Variants in RINT1 observed in about 807,000 individuals in gnomAD.
RINT1 encodes RAD50 interactor 1.
Under a neutral mutation model 97.7 loss-of-function variants are expected in RINT1, and 75 were observed. The ratio of observed to expected loss-of-function variants is 0.77; its 90% CI spans 0.64 to 0.93. The LOEUF is 0.93. RINT1 is among the 40% of genes least tolerant of loss of function. The pLI is 0.00. For missense variants in RINT1, 892 were observed against 925.2 expected (o/e 0.96, Z 0.47); for synonymous variants, 303 against 326.3 (o/e 0.93, Z 0.77).
At chr7:105,554,955 C>A in intron 10 of RINT1, 73 bp from the exon 11 acceptor site, 1 of 1,145,810 alleles carries the variant, frequency 8.7e-7, no homozygotes. Flanking sequence ...TGAAGCAGGA[C>A]AGTAGGGAAA....
chr7:105,557,069 G>C (rs934455727), intron 11 of RINT1, among the ~76,000 whole-genome samples: 12 of 152,036 alleles, frequency 7.9e-5, no homozygotes, highest in African/African-American at 2.7e-4. Context: ...ATGACAGAAC[G>C]CATAAACAGA....
intron 9 of RINT1, 40 bp downstream of exon 9, chr7:105,550,526 G>C (rs1189975756): frequency 7.3e-7 from 1 of 1,371,306 alleles, no homozygotes. Flanking sequence ...AGATATGTCT[G>C]TTTCTGTGGG....
Position 105,567,047 on chromosome 7 carries a change from A to G in RINT1, c.2187-72A>G, listed in dbSNP as rs138529087. The G allele has an allele frequency of 2.9e-4, 273 of 929,876 alleles. No individual in the cohort carries two copies. In the African/African-American group the frequency reaches 4.0e-3, roughly 14 times the overall value. The allele number at this position is 929,876 out of a possible 1,614,324, so 57.6% of individuals were successfully genotyped here. On this transcript the variant is annotated intron_variant, in intron 14 of 14. Coordinates refer to ENST00000257700, the MANE Select transcript of RINT1 (RefSeq NM_021930.6). ...CAGCAGTGCAGAGAAGCTGTTTAGG[A>G]TTCTCAAAATTGTAATATAATTGAT... is the stretch of plus-strand genomic sequence containing the variant.
At chr7:105,533,523 G>C (rs901307676) in intron 2 of RINT1, among the ~76,000 whole-genome samples, 3 of 152,184 alleles carry the variant, frequency 2.0e-5, no homozygotes, top group Non-Finnish European at 4.4e-5. Context: ...AAGGGGAAAA[G>C]CATGTGATAG....
intron 11 of RINT1, among the ~76,000 whole-genome samples, chr7:105,561,816 C>A (rs1322375025): frequency 6.6e-6 from 1 of 152,170 alleles, no homozygotes. Flanking sequence ...CCTGCGTCAG[C>A]CTCCCAAAGT....
intron 1 of RINT1, 128 bp from the exon 2 acceptor site, chr7:105,532,696 G>A: frequency 9.9e-7 from 1 of 1,006,062 alleles, no homozygotes; most frequent in Non-Finnish European, 1.6e-6. Flanking sequence ...GGACGGCCCT[G>A]GTCGCTCAGA....
At position 105,563,855 on chromosome 7, in the gene RINT1, C is replaced by A. The variant is rs375462584; in HGVS notation, c.1794C>A (p.Leu598=). The A allele has an allele frequency of 1.2e-5, 20 of 1,614,092 alleles. No individual in the cohort carries two copies. Among genetic ancestry groups the A allele is most frequent in the Non-Finnish European group, 1.7e-5 (20 of 1,179,992 alleles). The change falls in exon 12 of 15, where the codon CTC becomes CTA. Residue 598 remains leucine, a synonymous_variant. Transcript: ENST00000257700. ...ESSVFDDMIN[L]LERLKHDMLT... ...CTGTCTTTGATGACATGATTAACCTCTTAGAACGTTTAAAGCATGATATGT... is the reference window on the plus strand; with the variant it reads ...CTGTCTTTGATGACATGATTAACCTATTAGAACGTTTAAAGCATGATATGT...
At chr7:105,566,794 T>G (rs941943901) in intron 14 of RINT1, 3 of 167,720 alleles carry the variant, frequency 1.8e-5, no homozygotes, top group African/African-American at 7.1e-5. Context: ...CATTTATCTC[T>G]TATTTTTGTC....
chr7:105,547,269 A>C lies in RINT1; in HGVS notation c.775A>C (p.Ser259Arg). 6.2e-7 allele frequency: 1 copy of C among 1,614,196 alleles called. No homozygotes were observed. ...AACTGTTGGCTTAAGTCGACCTGCC[A>C]GTGCCCCGGAGATATACAGTTACCT... ...SQTVGLSRPA[S>R]APEIYSYLET... The change falls in exon 6 of 15, where the codon AGT becomes CGT. Residue 259 changes from serine to arginine, a missense_variant. Ser to Arg is a moderately radical substitution (Grantham distance 110). Transcript: ENST00000257700.
rs558678052 is a variant in RINT1 at position 105,547,457 on chromosome 7, G to A, written c.839+124G>A. 8.9e-5 allele frequency: 80 copies of A among 901,786 alleles called. No homozygotes were observed. The South Asian group carries it at 1.3e-3, about 14-fold the overall frequency. The allele number at this position is 901,786 out of a possible 1,614,324, so 55.9% of individuals were successfully genotyped here. ...AATAAGAATCCTGTGTTTGGACTTG[G>A]TCTGTAAATGTCCACTGAGTGGTGG... On this transcript the variant is annotated intron_variant, in intron 6 of 14. Transcript: ENST00000257700.
rs949295049 is a variant in RINT1 at position 105,563,967 on chromosome 7, C to T, written c.1886+20C>T. 8 of 1,526,292 alleles carry T rather than the reference C, an allele frequency of 5.2e-6. No homozygotes were observed. Among genetic ancestry groups the T allele is most frequent in the African/African-American group, 2.7e-5 (2 of 72,868 alleles). The allele number at this position is 1,526,292 out of a possible 1,614,324, so 94.5% of individuals were successfully genotyped here. On this transcript the variant is annotated intron_variant, in intron 12 of 14. Transcript: ENST00000257700. ...AGAAAGGTATGTCCTCTATGTAAGT[C>T]AGCTCTTAACACCAGTTTGGTAAAA... is the stretch of plus-strand genomic sequence containing the variant.
chr7:105,555,835 A>G (rs1471852616), intron 11 of RINT1, among the ~76,000 whole-genome samples: 1 of 152,056 alleles, frequency 6.6e-6, no homozygotes, highest in East Asian at 1.9e-4. Context: ...AAAAAATAAA[A>G]TAAAATTAGC....
intron 4 of RINT1, among the ~76,000 whole-genome samples, chr7:105,545,144 C>T (rs1305084383): frequency 3.3e-5 from 5 of 152,024 alleles, no homozygotes; most frequent in Non-Finnish European, 7.4e-5. Flanking sequence ...AAATCTATTT[C>T]ATTCCTTCCT....
chr7:105,554,531 C>T (rs1287441095), intron 10 of RINT1, among the ~76,000 whole-genome samples: 3 of 151,224 alleles, frequency 2.0e-5, no homozygotes, highest in Admixed American at 6.6e-5. Flanking sequence ...CTCCACCTCC[C>T]GGGTTCAAGC....
intron 2 of RINT1, among the ~76,000 whole-genome samples, chr7:105,534,714 T>G (rs1255336699): frequency 6.6e-6 from 1 of 152,030 alleles, no homozygotes; most frequent in East Asian, 1.9e-4. Flanking sequence ...CTCTAAATTG[T>G]CAATTTAAAA....
chr7:105,547,539 C>A (rs191056294), intron 6 of RINT1, among the ~76,000 whole-genome samples: 29 of 152,128 alleles, frequency 1.9e-4, no homozygotes, highest in Admixed American at 6.6e-4. Context: ...GGAAGAGTTC[C>A]GGGATACATG....
chr7:105,542,312 GCAA>G, intron 3 of RINT1, 93 bp from the exon 4 acceptor site: 1 of 907,820 alleles, frequency 1.1e-6, no homozygotes, highest in Middle Eastern at 3.5e-4. Context: ...TCCAGCCTGG[GCAA>G]CAGCGTGAGA....
intron 4 of RINT1, among the ~76,000 whole-genome samples, chr7:105,544,414 T>G (rs1790577275): frequency 6.6e-6 from 1 of 151,730 alleles, no homozygotes; most frequent in South Asian, 2.1e-4. Flanking sequence ...TTTTTTAACA[T>G]TTATTTTATT....
intron 1 of RINT1, 149 bp downstream of exon 1, chr7:105,532,506 C>G (rs1790074805): frequency 1.1e-6 from 1 of 897,738 alleles, no homozygotes; most frequent in African/African-American, 1.7e-5. Context: ...TGTAAGACCT[C>G]CTAGAGGAGG....
Sources: gnomAD v4.1 joint callset for allele counts (sites outside exome capture counted in the v4.1 genomes callset) on GRCh38, gnomAD v4.1.1 for gene constraint, MANE v1.5 for transcripts, NCBI Gene and HGNC (gene_info 2026-07-23, HGNC 2026-07-21) for gene names.